Variants in ZNF544 observed in about 807,000 individuals in gnomAD.
ZNF544 encodes zinc finger protein 544, also known as zinc finger protein AF020591.
In ZNF544, 10 loss-of-function variants were observed where a neutral mutation model predicts 13.5. The ratio of observed to expected loss-of-function variants is 0.74; its 90% CI spans 0.46 to 1.25. ZNF544 has a LOEUF of 1.25. ZNF544 is among the 50% of genes most tolerant of loss of function. The probability of loss-of-function intolerance (pLI) is 0.00; values close to 1 mark genes in which losing one functional copy is unlikely to be tolerated. For synonymous variants in ZNF544, 323 were observed against 300.5 expected (o/e 1.07, Z -0.77); for missense variants, 896 against 845.6 (o/e 1.06, Z -0.74).
downstream of ZNF544, among the ~76,000 whole-genome samples, chr19:58,266,188 AAAG>A (rs2049850919): frequency 7.0e-6 from 1 of 142,774 alleles, no homozygotes; most frequent in Admixed American, 7.3e-5. Flanking sequence ...CCTGGGCAAA[AAAG>A]CGAAAAGCGA....
At chr19:58,270,266 G>T (rs2050461668) in intron 5 of ZNF544, among the ~76,000 whole-genome samples, 1 of 151,778 alleles carries the variant, frequency 6.6e-6, no homozygotes, top group African/African-American at 2.4e-5. Flanking sequence ...TTCAGGGAAT[G>T]GCATTTGCAT....
At chr19:58,260,799 C>A in intron 6 of ZNF544, 52 bp from the exon 7 acceptor site, 1 of 1,485,704 alleles carries the variant, frequency 6.7e-7, no homozygotes, top group Non-Finnish European at 9.0e-7. Context: ...TCCCCCTCCC[C>A]CTCCCCCTCT....
At chr19:58,235,240 A>G (rs2042136189) in intron 3 of ZNF544, among the ~76,000 whole-genome samples, 2 of 152,392 alleles carry the variant, frequency 1.3e-5, no homozygotes, top group Non-Finnish European at 2.9e-5. Context: ...ATTGGCAACT[A>G]TAACACAATG....
downstream of ZNF544, chr19:58,266,575 G>A (rs907125093): frequency 2.0e-5 from 3 of 149,710 alleles, no homozygotes; most frequent in African/African-American, 7.4e-5. Context: ...CATACAGAAT[G>A]AGGAAGGCTG....
At chr19:58,276,269 G>A (rs532842779) in intron 5 of ZNF544, 1 of 939,652 alleles carries the variant, frequency 1.1e-6, no homozygotes, top group African/African-American at 1.7e-5. Flanking sequence ...CAACACTGGT[G>A]GCCACTGTGC....
At chr19:58,241,180 T>TTTAAATATATATATATATATATATATATA (rs2043706390) in intron 3 of ZNF544, among the ~76,000 whole-genome samples, 8 of 67,368 alleles carry the variant, frequency 1.2e-4, no homozygotes, top group South Asian at 8.4e-4. Context: ...TATATATATA[T>TTTAAATATATATATATATATATATATATA]TTTTTTTTTT....
intron 6 of ZNF544, 50 bp from the exon 7 acceptor site, chr19:58,260,801 T>A: frequency 4.5e-4 from 526 of 1,174,424 alleles, no homozygotes; most frequent in Non-Finnish European, 5.7e-4. Context: ...CCCCTCCCCC[T>A]CCCCCTCTGA....
In ZNF544 at chr19:58,246,807, CT is replaced by C. The variant is rs1440296054; in HGVS notation, c.244+15del. 2 of 1,612,480 alleles carry C rather than the reference CT, an allele frequency of 1.2e-6. No homozygotes were observed. The highest frequency in any genetic ancestry group is 3.3e-5 in the Admixed American group (2 of 59,802). ...GAGGCCCCCCGAGGTAAGAGCAGAC[CT>C]TGTGGTGAGCAGCTCAACGTTTAAC... On this transcript the variant is annotated intron_variant, in intron 6 of 6. Coordinates refer to ENST00000687789, the MANE Select transcript of ZNF544 (RefSeq NM_014480.4).
chr19:58,243,811 C>G (rs530837379), intron 3 of ZNF544, among the ~76,000 whole-genome samples, 154 bp from the exon 4 acceptor site: 2 of 152,144 alleles, frequency 1.3e-5, no homozygotes, highest in African/African-American at 2.4e-5. Context: ...GGCACATCCC[C>G]GAGCCTGAGG....
intron 5 of ZNF544, among the ~76,000 whole-genome samples, chr19:58,271,770 T>C (rs1165493968): frequency 6.6e-6 from 1 of 152,170 alleles, no homozygotes; most frequent in Non-Finnish European, 1.5e-5. Context: ...CAATGGTACA[T>C]GAGGAGGTAA....
intron 3 of ZNF544, among the ~76,000 whole-genome samples, chr19:58,234,139 T>C (rs2041916838): frequency 6.6e-6 from 1 of 152,190 alleles, no homozygotes; most frequent in African/African-American, 2.4e-5. Flanking sequence ...AACATCTACA[T>C]AAGCCCAGCA....
chr19:58,236,495 T>C (rs2042407147), intron 3 of ZNF544, among the ~76,000 whole-genome samples: 1 of 139,968 alleles, frequency 7.1e-6, no homozygotes, highest in South Asian at 2.2e-4. Flanking sequence ...AGAGTGAAAC[T>C]GTGTCTCAAA....
intron 3 of ZNF544, among the ~76,000 whole-genome samples, chr19:58,230,994 G>C (rs544741508): frequency 1.5e-4 from 23 of 152,246 alleles, no homozygotes; most frequent in African/African-American, 5.1e-4. Flanking sequence ...TAGGGTGTGA[G>C]AGCATGAGCT....
rs1186203369 is a variant in ZNF544, at chr19:58,261,265, G to A, written c.659G>A (p.Arg220Lys). 1.2e-6 allele frequency: 2 copies of A among 1,614,202 alleles called. No homozygotes were observed. Among genetic ancestry groups the A allele is most frequent in the Non-Finnish European group, 1.7e-6 (2 of 1,180,036 alleles). The stretch of plus-strand genomic sequence containing the variant: ...CACTGTGAGAGTCATCAGTGTGCTA[G>A]AGCTTTCTGTCAGAGTATTTACTTG... ...GKHCESHQCA[R>K]AFCQSIYLSK... The change falls in exon 7 of 7, where the codon AGA becomes AAA. Residue 220 changes from arginine to lysine, a missense_variant. Arg to Lys is a conservative substitution (Grantham distance 26). Transcript: ENST00000687789.
intron 3 of ZNF544, among the ~76,000 whole-genome samples, chr19:58,233,682 T>C (rs142222464): frequency 9.5e-4 from 144 of 152,342 alleles, no homozygotes; most frequent in African/African-American, 3.3e-3. Context: ...CTGTAAATCA[T>C]TGAATTCCCT....
At chr19:58,236,864 C>T (rs1199131554) in intron 3 of ZNF544, among the ~76,000 whole-genome samples, 1 of 151,604 alleles carries the variant, frequency 6.6e-6, no homozygotes, top group Non-Finnish European at 1.5e-5. Flanking sequence ...GCCTCAGCCT[C>T]CCAAGTAGCT....
intron 5 of ZNF544, among the ~76,000 whole-genome samples, chr19:58,274,160 A>G (rs771061565): frequency 1.5e-4 from 23 of 151,894 alleles, no homozygotes; most frequent in Admixed American, 5.3e-4. Context: ...AACGGAAAAA[A>G]ATTAATATAT....
At position 58,262,296 on chromosome 19, in the gene ZNF544, G is replaced by A. The variant is rs565472374; in HGVS notation, c.1690G>A (p.Val564Ile). Reference sequence around the variant, plus strand: ...ATCCTTCAGATGGAACTCTAACCTCGTCATACATCAGAGAATTCATACTGG... The same window carrying A: ...ATCCTTCAGATGGAACTCTAACCTCATCATACATCAGAGAATTCATACTGG... ...GKSFRWNSNL[V>I]IHQRIHTGEK... Residue 564 changes from valine to isoleucine, a missense_variant, in exon 7 of 7, where the codon GTC (valine) becomes ATC (isoleucine). Transcript: ENST00000687789. 127 of 1,610,230 alleles carry A rather than the reference G, an allele frequency of 7.9e-5. No homozygotes were observed. The highest frequency in any genetic ancestry group is 3.0e-4 in the Admixed American group (18 of 59,562).
intron 5 of ZNF544, among the ~76,000 whole-genome samples, chr19:58,273,466 G>A (rs561282430): frequency 6.6e-5 from 10 of 152,150 alleles, no homozygotes; most frequent in South Asian, 6.2e-4. Context: ...CAAGGTGGGC[G>A]GATCACCAGG....
Sources: allele counts gnomAD v4.1 joint callset (sites outside exome capture counted in the v4.1 genomes callset), GRCh38; gene constraint gnomAD v4.1.1; transcripts MANE v1.5; gene names NCBI Gene and HGNC (gene_info 2026-07-23, HGNC 2026-07-21).